Variants in NWD2 observed in about 807,000 individuals in gnomAD.
NWD2 encodes NACHT and WD repeat domain containing 2.
A neutral mutation model predicts 132.7 loss-of-function variants in NWD2; 37 were observed. That is an observed-to-expected ratio of 0.28 (90% CI 0.21 to 0.37). NWD2 has a LOEUF of 0.37. Ranked by LOEUF, NWD2 falls within the 10% of genes least tolerant of loss-of-function variation. The pLI is 1.00. For missense variants in NWD2, 1,592 were observed against 2,122.4 expected (o/e 0.75, Z 4.91); for synonymous variants, 705 against 803.0 (o/e 0.88, Z 2.06).
chr4:37,346,033 AATC>A (rs1292049048), intron 2 of NWD2, among the ~76,000 whole-genome samples: 1 of 151,522 alleles, frequency 6.6e-6, no homozygotes, highest in Non-Finnish European at 1.5e-5. Context: ...AGTGAGCTGA[AATC>A]ATGCCACTGC....
rs1420562641 is a variant in NWD2 at position 37,244,894 on chromosome 4, C to A, written c.-174C>A. The stretch of plus-strand genomic sequence containing the variant: ...GAGGGTCCGTATGGCTTCTCCTCGC[C>A]GGCGGGTGCTGTGCGCCACGGAGCT... On this transcript the variant is annotated 5_prime_UTR_variant, in exon 1 of 7. Coordinates refer to ENST00000309447, the MANE Select transcript of NWD2 (RefSeq NM_001144990.2). This position sits in a 1 kb window ranked among gnomAD's most constrained non-coding sequence, Gnocchi z 5.5. The A allele has an allele frequency of 6.7e-6, 5 of 747,804 alleles. No homozygotes were observed. Among genetic ancestry groups the A allele is most frequent in the African/African-American group, 3.8e-5 (2 of 53,006 alleles). 46.3% of individuals were successfully genotyped at this position (747,804 alleles called of 1,614,324 possible).
At chr4:37,348,760 TG>T (rs1455951998) in intron 2 of NWD2, among the ~76,000 whole-genome samples, 1 of 147,572 alleles carries the variant, frequency 6.8e-6, no homozygotes, top group Admixed American at 6.8e-5. Context: ...GGTATACACG[TG>T]CCATGGTGGT....
intron 4 of NWD2, 138 bp downstream of exon 4, chr4:37,430,913 T>C: frequency 2.9e-6 from 2 of 689,236 alleles, no homozygotes; most frequent in Non-Finnish European, 4.8e-6. Context: ...GTTTTCCTTT[T>C]AACAACTAAA....
At chr4:37,278,771 T>C (rs1035387231) in intron 1 of NWD2, among the ~76,000 whole-genome samples, 4 of 152,126 alleles carry the variant, frequency 2.6e-5, no homozygotes, top group African/African-American at 9.7e-5. Flanking sequence ...CCAAAACGCA[T>C]ACACCTAAAA....
intron 3 of NWD2, among the ~76,000 whole-genome samples, chr4:37,395,584 CAAAAAAAAA>C (rs1156884728): frequency 3.3e-4 from 6 of 18,284 alleles, no homozygotes; most frequent in East Asian, 2.5e-3. Context: ...AACTCTGTCT[CAAAAAAAAA>C]AAAAAAAAAA....
chr4:37,272,392 A>G (rs1471571105), intron 1 of NWD2, among the ~76,000 whole-genome samples: 1 of 151,798 alleles, frequency 6.6e-6, no homozygotes, highest in Non-Finnish European at 1.5e-5. Context: ...ATAGTTGACA[A>G]AATATACCAT....
chr4:37,401,242 C>T (rs969456852), intron 3 of NWD2, among the ~76,000 whole-genome samples: 6 of 152,124 alleles, frequency 3.9e-5, no homozygotes, highest in Admixed American at 3.9e-4. Context: ...CAGAGGACAG[C>T]CTCCATGAGC....
intron 3 of NWD2, among the ~76,000 whole-genome samples, chr4:37,365,935 A>G (rs1720091761): frequency 6.6e-6 from 1 of 152,234 alleles, no homozygotes; most frequent in Non-Finnish European, 1.5e-5. Flanking sequence ...GCTGTAGTCC[A>G]AAGGACTTCT....
intron 1 of NWD2, among the ~76,000 whole-genome samples, chr4:37,319,940 A>G (rs144063516): frequency 8.6e-4 from 131 of 152,122 alleles, no homozygotes; most frequent in African/African-American, 3.0e-3. Context: ...TTTGCTTAGG[A>G]TTGCTTTGGC....
chr4:37,447,098 A>G lies in NWD2; in HGVS notation c.5110A>G (p.Thr1704Ala), dbSNP rs1712658630. 6.4e-7 allele frequency: 1 copy of G among 1,551,490 alleles called. No homozygotes were observed. Among genetic ancestry groups the G allele is most frequent in the Admixed American group, 2.0e-5 (1 of 50,988 alleles). Residue 1704 changes from threonine (T) to alanine (A), a missense_variant, in exon 7 of 7, where the codon ACA becomes GCA. This residue lies in a region of NWD2 where 257 missense variants were observed against 335.0 expected (regional missense o/e 0.77). Coordinates refer to ENST00000309447, the MANE Select transcript of NWD2 (RefSeq NM_001144990.2). ...TEVFARDSPITVSDSTESNEA... is the reference protein window; with the variant it reads ...TEVFARDSPIAVSDSTESNEA... The stretch of plus-strand genomic sequence containing the variant: ...GGTCTTTGCAAGAGACAGCCCCATC[A>G]CAGTTAGTGACTCTACTGAGTCCAA...
chr4:37,263,494 C>G (rs186782909), intron 1 of NWD2, among the ~76,000 whole-genome samples: 137 of 152,282 alleles, frequency 9.0e-4, no homozygotes, highest in African/African-American at 3.0e-3. Context: ...AGCAGGGTGA[C>G]TTCTTCCTTA....
intron 2 of NWD2, among the ~76,000 whole-genome samples, chr4:37,329,836 A>G (rs1719255352): frequency 6.6e-6 from 1 of 152,222 alleles, no homozygotes; most frequent in Non-Finnish European, 1.5e-5. Flanking sequence ...AAGCAGGAAA[A>G]TAGTGCAAAC....
At chr4:37,356,522 A>G (rs1719874612) in intron 3 of NWD2, 40 bp downstream of exon 3, 1 of 1,252,706 alleles carries the variant, frequency 8.0e-7, no homozygotes, top group Non-Finnish European at 1.1e-6. Context: ...TAACTTTTAG[A>G]TGAATGTGAG....
chr4:37,430,482 A>G, intron 3 of NWD2, 90 bp from the exon 4 acceptor site: 1 of 890,626 alleles, frequency 1.1e-6, no homozygotes, highest in Non-Finnish European at 1.8e-6. Flanking sequence ...TTATCTATTG[A>G]TTAATATTTA....
chr4:37,429,368 G>T (rs961379064), intron 3 of NWD2, among the ~76,000 whole-genome samples: 4 of 152,102 alleles, frequency 2.6e-5, no homozygotes, highest in African/African-American at 7.2e-5. Context: ...AGGCTGGAGT[G>T]CAGTGGCGCA....
At chr4:37,305,086 G>A (rs1195127111) in intron 1 of NWD2, among the ~76,000 whole-genome samples, 1 of 152,202 alleles carries the variant, frequency 6.6e-6, no homozygotes, top group Non-Finnish European at 1.5e-5. Flanking sequence ...CAGGCTCAAC[G>A]CTACGTGGAA....
intron 1 of NWD2, among the ~76,000 whole-genome samples, chr4:37,324,183 C>T (rs1719126025): frequency 6.6e-6 from 1 of 152,046 alleles, no homozygotes; most frequent in Non-Finnish European, 1.5e-5. Context: ...AAATTAGGTA[C>T]TAAATTTCTC....
chr4:37,272,656 T>G (rs965139329), intron 1 of NWD2, among the ~76,000 whole-genome samples: 2 of 151,820 alleles, frequency 1.3e-5, no homozygotes, highest in African/African-American at 4.8e-5. Context: ...TTTTCTCTCC[T>G]TTTGTCTTAA....
At chr4:37,372,015 T>C (rs1056729817) in intron 3 of NWD2, among the ~76,000 whole-genome samples, 3 of 152,196 alleles carry the variant, frequency 2.0e-5, no homozygotes, top group Non-Finnish European at 4.4e-5. Context: ...ATAAGGCAAT[T>C]AGTATCATTT....
Sources: gnomAD v4.1 joint callset for allele counts (sites outside exome capture counted in the v4.1 genomes callset) on GRCh38, gnomAD v4.1.1 for gene constraint, gnomAD v4.1.1 regional missense constraint, Gnocchi (gnomAD v3.1) non-coding constraint, MANE v1.5 for transcripts, NCBI Gene and HGNC (gene_info 2026-07-23, HGNC 2026-07-21) for gene names.